FAM83B: variants seen among roughly 807,000 people sequenced by gnomAD.
FAM83B encodes the protein scaffolding CK1 anchoring protein B, also known as protein FAM83B.
In FAM83B, 26 loss-of-function variants were observed where a neutral mutation model predicts 38.8. The ratio of observed to expected loss-of-function variants is 0.67; its 90% CI spans 0.49 to 0.93. The LOEUF is 0.93. Ranked by LOEUF, FAM83B falls within the 40% of genes least tolerant of loss-of-function variation. The probability of loss-of-function intolerance (pLI) is 0.00; values close to 1 mark genes in which losing one functional copy is unlikely to be tolerated. For missense variants in FAM83B, 1,237 were observed against 1,197.3 expected (o/e 1.03, Z -0.49); for synonymous variants, 419 against 423.1 (o/e 0.99, Z 0.12).
chr6:54,919,025 G>C (rs1338231188), intron 2 of FAM83B, among the ~76,000 whole-genome samples: 1 of 152,070 alleles, frequency 6.6e-6, no homozygotes, highest in Non-Finnish European at 1.5e-5. Flanking sequence ...TCTTGGCTTT[G>C]AGGGCCCATG....
intron 2 of FAM83B, among the ~76,000 whole-genome samples, chr6:54,883,021 G>T (rs994300027): frequency 6.6e-6 from 1 of 152,078 alleles, no homozygotes; most frequent in Non-Finnish European, 1.5e-5. Context: ...TCAGCTCACT[G>T]CAAGCTCCGC....
chr6:54,879,738 A>C (rs1189713938), intron 2 of FAM83B, among the ~76,000 whole-genome samples: 1 of 152,198 alleles, frequency 6.6e-6, no homozygotes, highest in African/African-American at 2.4e-5. Context: ...TTTTAGTGAC[A>C]GTGATGTTGT....
chr6:54,846,695 C>T (rs1296223402), upstream of FAM83B: 1 of 152,258 alleles, frequency 6.6e-6, no homozygotes, highest in Admixed American at 6.5e-5. Flanking sequence ...AGCCTCCCTC[C>T]GCGGACCTGA....
chr6:54,888,714 C>T (rs998591187), intron 2 of FAM83B, among the ~76,000 whole-genome samples: 8 of 151,736 alleles, frequency 5.3e-5, no homozygotes, highest in Non-Finnish European at 1.2e-4. Flanking sequence ...CATGATGTAA[C>T]TAGGGGAACA....
At chr6:54,932,212 A>G (rs1363116092) in intron 4 of FAM83B, among the ~76,000 whole-genome samples, 1 of 152,038 alleles carries the variant, frequency 6.6e-6, no homozygotes, top group African/African-American at 2.4e-5. Context: ...GGGTTTCACC[A>G]TGTTAGCCAG....
chr6:54,877,409 A>G (rs1325188814), intron 2 of FAM83B, among the ~76,000 whole-genome samples: 1 of 152,210 alleles, frequency 6.6e-6, no homozygotes, highest in African/African-American at 2.4e-5. Flanking sequence ...GAGTGCTGAC[A>G]TTTTGACACA....
chr6:54,851,741 G>A (rs555141233), intron 1 of FAM83B, among the ~76,000 whole-genome samples: 4 of 136,040 alleles, frequency 2.9e-5, no homozygotes, highest in African/African-American at 2.9e-5. Flanking sequence ...TCCGCCTCCC[G>A]GGTTCATGCC....
At position 54,941,657 on chromosome 6, in the gene FAM83B, T is replaced by C. The variant is rs779573163; in HGVS notation, c.2686T>C (p.Tyr896His). 5 of 1,613,950 alleles carry C rather than the reference T, an allele frequency of 3.1e-6. No homozygotes were observed. ...AAGATTTAACACTGAACAGATCCAATACCGAGATTCAAGGGAGATTAATGC... is the reference window on the plus strand; with the variant it reads ...AAGATTTAACACTGAACAGATCCAACACCGAGATTCAAGGGAGATTAATGC... ...APRFNTEQIQ[Y>H]RDSREINAVV... The change falls in exon 5 of 5, where the codon TAC (tyrosine) becomes CAC (histidine). Residue 896 changes from tyrosine (Y) to histidine (H), a missense_variant. Physicochemically the swap from Tyr to His is moderately conservative, Grantham distance 83. Transcript: ENST00000306858.
At chr6:54,859,299 A>T (rs1050795983) in intron 1 of FAM83B, among the ~76,000 whole-genome samples, 1 of 152,014 alleles carries the variant, frequency 6.6e-6, no homozygotes, top group African/African-American at 2.4e-5. Flanking sequence ...TGACCTCATG[A>T]TCTGCACACC....
intron 2 of FAM83B, among the ~76,000 whole-genome samples, chr6:54,894,035 C>T (rs1324616817): frequency 1.3e-5 from 2 of 152,228 alleles, no homozygotes; most frequent in East Asian, 1.9e-4. Flanking sequence ...AAGATCAACA[C>T]TCTTCATTAT....
At chr6:54,908,904 A>G (rs1354444299) in intron 2 of FAM83B, among the ~76,000 whole-genome samples, 1 of 152,214 alleles carries the variant, frequency 6.6e-6, no homozygotes, top group Admixed American at 6.5e-5. Flanking sequence ...GTATAATAGT[A>G]GAGTACTGAT....
In FAM83B at chr6:54,851,942, C is replaced by T. The variant is rs145672392; in HGVS notation, c.-61+5116C>T. Among the ~76,000 whole-genome samples the T allele has an allele frequency of 9.9e-3, 1,495 of 151,270 alleles. 26 individuals are homozygous for T. The highest frequency in any genetic ancestry group is 0.034 in the African/African-American group (1,401 of 41,344). ...GATTACAGGCGTGAGCCACCGCGCC[C>T]GGCCTAATTTTTGTGTTTTTAGTAG... On this transcript the variant is annotated intron_variant, in intron 1 of 4. Coordinates refer to ENST00000306858, the MANE Select transcript of FAM83B (RefSeq NM_001010872.3).
At chr6:54,881,406 C>G (rs989586878) in intron 2 of FAM83B, among the ~76,000 whole-genome samples, 1 of 152,134 alleles carries the variant, frequency 6.6e-6, no homozygotes, top group Middle Eastern at 3.4e-3. Flanking sequence ...TGAGAACTTT[C>G]CTTTGGGCTG....
intron 4 of FAM83B, 119 bp downstream of exon 4, chr6:54,927,751 A>T: frequency 1.1e-6 from 1 of 880,082 alleles, no homozygotes; most frequent in Non-Finnish European, 1.6e-6. Flanking sequence ...AAAAAAAAAA[A>T]AAAGAGAACA....
chr6:54,899,382 C>T (rs1040622233), intron 2 of FAM83B, among the ~76,000 whole-genome samples: 2 of 152,168 alleles, frequency 1.3e-5, no homozygotes, highest in Non-Finnish European at 2.9e-5. Flanking sequence ...TGTAGCAACT[C>T]TCCATATGGA....
chr6:54,912,621 T>C (rs1211696263), intron 2 of FAM83B, among the ~76,000 whole-genome samples: 1 of 151,946 alleles, frequency 6.6e-6, no homozygotes, highest in East Asian at 1.9e-4. Flanking sequence ...TTTTCATTTA[T>C]CGTTAGTTGT....
chr6:54,860,043 TTGTGTG>T (rs61235878), intron 1 of FAM83B, among the ~76,000 whole-genome samples: 3,953 of 150,482 alleles, frequency 0.026, 170 homozygotes, highest in African/African-American at 0.091. Context: ...ACCACCCTCA[TTGTGTG>T]TGTGTGTGTG....
At chr6:54,904,890 G>C (rs1772743238) in intron 2 of FAM83B, among the ~76,000 whole-genome samples, 1 of 152,066 alleles carries the variant, frequency 6.6e-6, no homozygotes, top group Non-Finnish European at 1.5e-5. Context: ...GAAAGAGGAA[G>C]AAAGAAGAAA....
At chr6:54,927,728 TAAAAA>T (rs1049777485) in intron 4 of FAM83B, 96 bp downstream of exon 4, 100 of 99,098 alleles carry the variant, frequency 1.0e-3, no homozygotes, top group South Asian at 2.3e-3. Context: ...TTCTTAAAAG[TAAAAA>T]AAAAAAAAAA....
Sources: gnomAD v4.1 joint callset for allele counts (sites outside exome capture counted in the v4.1 genomes callset) on GRCh38, gnomAD v4.1.1 for gene constraint, MANE v1.5 for transcripts, NCBI Gene and HGNC (gene_info 2026-07-23, HGNC 2026-07-21) for gene names.